ANKS1B: variants seen among roughly 807,000 people sequenced by gnomAD.
ANKS1B encodes the protein ankyrin repeat and sterile alpha motif domain containing 1B, also known as ankyrin repeat and sterile alpha motif domain-containing protein 1B.
ANKS1B carries 36 observed loss-of-function variants against 148.3 expected under a neutral mutation model. That is an observed-to-expected ratio of 0.24 (90% CI 0.19 to 0.32). The LOEUF is 0.32. Ranked by LOEUF, ANKS1B falls within the 10% of genes least tolerant of loss-of-function variation. ANKS1B has a pLI of 1.00. For synonymous variants in ANKS1B, 542 were observed against 560.8 expected (o/e 0.97, Z 0.47); for missense variants, 1,157 against 1,542.6 (o/e 0.75, Z 4.19).
chr12:99,953,061 T>A (rs916340355), intron 1 of ANKS1B, among the ~76,000 whole-genome samples: 5 of 152,090 alleles, frequency 3.3e-5, no homozygotes, highest in African/African-American at 1.2e-4. Context: ...AAGGTCAGAA[T>A]TAGAGATGTA....
chr12:99,556,840 G>T (rs185062764), intron 9 of ANKS1B, among the ~76,000 whole-genome samples: 7 of 152,264 alleles, frequency 4.6e-5, no homozygotes, highest in East Asian at 1.9e-4. Context: ...TCTTGAATTT[G>T]TTGAGAATTG....
intron 17 of ANKS1B, among the ~76,000 whole-genome samples, chr12:98,852,022 CAAAAAAAAAA>C (rs35129903): frequency 1.2e-3 from 75 of 61,120 alleles, no homozygotes; most frequent in Non-Finnish European, 1.4e-3. Flanking sequence ...GACTCCATCT[CAAAAAAAAAA>C]AAAAAAAAAA....
chr12:99,636,614 C>T (rs1159982100), intron 9 of ANKS1B, among the ~76,000 whole-genome samples: 1 of 152,044 alleles, frequency 6.6e-6, no homozygotes, highest in Non-Finnish European at 1.5e-5. Context: ...AAAAAACTGG[C>T]ACTAAATAGA....
At chr12:99,597,898 G>A (rs1311776702) in intron 9 of ANKS1B, among the ~76,000 whole-genome samples, 3 of 151,928 alleles carry the variant, frequency 2.0e-5, no homozygotes, top group Non-Finnish European at 4.4e-5. Flanking sequence ...ATGTAAATGA[G>A]CTGTATACAT....
At chr12:99,648,155 G>T (rs770218593) in intron 9 of ANKS1B, 1 of 1,588,816 alleles carries the variant, frequency 6.3e-7, no homozygotes, top group African/African-American at 1.4e-5. Flanking sequence ...GCTGGGAACT[G>T]TCTTGATTTA....
At chr12:99,079,681 G>A (rs1451592371) in intron 16 of ANKS1B, 1 of 152,194 alleles carries the variant, frequency 6.6e-6, no homozygotes, top group African/African-American at 2.4e-5. Context: ...TGTGGAAGCC[G>A]AAAGAAGACA....
intron 14 of ANKS1B, among the ~76,000 whole-genome samples, chr12:99,208,346 A>C (rs1208620221): frequency 6.6e-6 from 1 of 152,156 alleles, no homozygotes; most frequent in Non-Finnish European, 1.5e-5. Flanking sequence ...TTTTGATCAA[A>C]TGTTTTAAAC....
At chr12:99,151,161 GA>G (rs1439104058) in intron 15 of ANKS1B, among the ~76,000 whole-genome samples, 1 of 151,994 alleles carries the variant, frequency 6.6e-6, no homozygotes, top group Non-Finnish European at 1.5e-5. Context: ...AAGATACAGG[GA>G]AAAAATCACA....
At chr12:99,810,880 A>C (rs1240278203) in intron 3 of ANKS1B, among the ~76,000 whole-genome samples, 1 of 151,948 alleles carries the variant, frequency 6.6e-6, no homozygotes, top group Non-Finnish European at 1.5e-5. Context: ...CAATTTTAAG[A>C]ATAACCACCA....
At chr12:99,980,357 A>G (rs2095683045) in intron 1 of ANKS1B, among the ~76,000 whole-genome samples, 1 of 152,056 alleles carries the variant, frequency 6.6e-6, no homozygotes, top group Admixed American at 6.5e-5. Flanking sequence ...CTGAAAATAA[A>G]GCCCAACCAC....
At chr12:98,976,141 C>G (rs928212766) in intron 17 of ANKS1B, among the ~76,000 whole-genome samples, 1 of 152,162 alleles carries the variant, frequency 6.6e-6, no homozygotes, top group African/African-American at 2.4e-5. Flanking sequence ...AGATTCATCT[C>G]GTGTTAATAA....
chr12:99,148,967 A>T (rs2074081717), intron 15 of ANKS1B, among the ~76,000 whole-genome samples: 1 of 152,102 alleles, frequency 6.6e-6, no homozygotes, highest in African/African-American at 2.4e-5. Context: ...AGAAATAAGA[A>T]GGTATAGGAA....
intron 2 of ANKS1B, among the ~76,000 whole-genome samples, chr12:99,818,352 C>T (rs1165638669): frequency 6.6e-6 from 1 of 151,784 alleles, no homozygotes; most frequent in East Asian, 1.9e-4. Flanking sequence ...CACGATTTTG[C>T]AGCTGTGAAT....
intron 14 of ANKS1B, among the ~76,000 whole-genome samples, chr12:99,191,292 C>A (rs1466844332): frequency 6.6e-6 from 1 of 152,150 alleles, no homozygotes; most frequent in African/African-American, 2.4e-5. Context: ...TATGGTGATT[C>A]CTCAAGGATC....
At chr12:99,413,083 A>G (rs1400525805) in intron 11 of ANKS1B, among the ~76,000 whole-genome samples, 4 of 152,102 alleles carry the variant, frequency 2.6e-5, no homozygotes, top group South Asian at 4.1e-4. Context: ...TGATCACCAC[A>G]AGGGAGTTAA....
chr12:99,231,380 C>T (rs554229481), intron 14 of ANKS1B, among the ~76,000 whole-genome samples: 1 of 152,182 alleles, frequency 6.6e-6, no homozygotes, highest in South Asian at 2.1e-4. Flanking sequence ...TATTCTATGT[C>T]AGCAGCATAT....
intron 1 of ANKS1B, among the ~76,000 whole-genome samples, chr12:99,856,349 C>T (rs1386211291): frequency 6.6e-6 from 1 of 151,918 alleles, no homozygotes; most frequent in African/African-American, 2.4e-5. Flanking sequence ...TACAGCCCTC[C>T]TACATTAAAC....
In ANKS1B at chr12:98,751,452, G is replaced by C; in HGVS notation, c.3650C>G (p.Ala1217Gly). Residue 1217 changes from alanine to glycine, a missense_variant, in exon 26 of 27, where the codon GCA (alanine) becomes GGA (glycine). Transcript: ENST00000683438. This position sits in a 1 kb window ranked among gnomAD's most constrained non-coding sequence, Gnocchi z 4.3. ...FEVAYQLALQ[A>G]RKGGHSSTLP... is the part of the protein sequence containing the mutation. ...TGTGGAGGAGTGTCCCCCTTTTCTT[G>C]CTTGTAGTGCTAGCTGGTAAGCGAC... The C allele has an allele frequency of 6.2e-7, 1 of 1,613,966 alleles. No individual in the cohort carries two copies. Among genetic ancestry groups the C allele is most frequent in the Non-Finnish European group, 8.5e-7 (1 of 1,179,876 alleles).
chr12:99,217,270 T>A (rs1404229649), intron 14 of ANKS1B, among the ~76,000 whole-genome samples: 1 of 152,012 alleles, frequency 6.6e-6, no homozygotes, highest in African/African-American at 2.4e-5. Context: ...AAGTCACTCA[T>A]GTGTGCCAAT....
Sources: gnomAD v4.1 joint callset for allele counts (sites outside exome capture counted in the v4.1 genomes callset) on GRCh38, gnomAD v4.1.1 for gene constraint, Gnocchi (gnomAD v3.1) non-coding constraint, MANE v1.5 for transcripts, NCBI Gene and HGNC (gene_info 2026-07-23, HGNC 2026-07-21) for gene names.